LAMP1: variants seen among roughly 807,000 people sequenced by gnomAD.
LAMP1 encodes the protein lysosome-associated membrane glycoprotein 1.
Under a neutral mutation model 37.5 loss-of-function variants are expected in LAMP1, and 7 were observed. That is an observed-to-expected ratio of 0.19 (90% CI 0.11 to 0.35). LAMP1 has a LOEUF of 0.35. Ranked by LOEUF, LAMP1 falls within the 10% of genes least tolerant of loss-of-function variation. The pLI is 1.00. For missense variants in LAMP1, 537 were observed against 552.8 expected, an observed-to-expected ratio of 0.97 and a Z score of 0.29; for synonymous variants, 236 against 229.1, an observed-to-expected ratio of 1.03 and a Z score of -0.27.
chr13:113,321,291 G>GTTT lies in LAMP1; in HGVS notation c.877-112_877-110dup. 1 of 885,228 alleles carries GTTT rather than the reference G, an allele frequency of 1.1e-6. No homozygotes were observed. 54.8% of individuals were successfully genotyped at this position (885,228 alleles called of 1,614,324 possible). On this transcript the variant is annotated intron_variant, in intron 6 of 8. Coordinates refer to ENST00000332556, the MANE Select transcript of LAMP1 (RefSeq NM_005561.4). The surrounding 1 kb of genome is among the most constrained non-coding windows in gnomAD (Gnocchi z 5.6). ...TAATACTAGAAATGTAGGAAGTCAG[G>GTTT]TTTATTACCCAATGACCATTCACGT...
At chr13:113,312,763 G>C (rs374494436) in intron 4 of LAMP1, among the ~76,000 whole-genome samples, 1 of 152,144 alleles carries the variant, frequency 6.6e-6, no homozygotes, top group African/African-American at 2.4e-5. Flanking sequence ...CACATGGGCC[G>C]CGTGTGTCTG....
Position 113,309,847 on chromosome 13 carries a change from A to C in LAMP1, c.388A>C (p.Asn130His). 1 of 1,612,698 alleles carries C rather than the reference A, an allele frequency of 6.2e-7. No homozygotes were observed. The highest frequency in any genetic ancestry group is 8.5e-7 in the Non-Finnish European group (1 of 1,179,794). ...CTTGTCAGACACACACCTTTTCCCC[A>C]ATGCGAGCTCCAAAGGTAAGAACCA... ...YNLSDTHLFPNASSKEIKTVE... is the reference protein window; with the variant it reads ...YNLSDTHLFPHASSKEIKTVE... The change falls in exon 3 of 9, where the codon AAT (asparagine) becomes CAT (histidine). Residue 130 changes from asparagine to histidine, a missense_variant. By Grantham distance (68) the Asn-to-His change is moderately conservative (BLOSUM62 1). Coordinates refer to ENST00000332556, the MANE Select transcript of LAMP1 (RefSeq NM_005561.4).
intron 3 of LAMP1, among the ~76,000 whole-genome samples, chr13:113,310,178 G>A (rs977230291): frequency 9.2e-5 from 14 of 151,984 alleles, no homozygotes; most frequent in Non-Finnish European, 1.8e-4. Flanking sequence ...GCAGTGAGCC[G>A]AGATGGTGCC....
rs780041684 is a variant in LAMP1 at position 113,306,834 on chromosome 13, C to CTTTTTTTTTTTTTT, written c.183+238_183+251dup. Among the ~76,000 whole-genome samples, 125 of 80,156 alleles carry CTTTTTTTTTTTTTT rather than the reference C, an allele frequency of 1.6e-3. 16 individuals carry two copies. Among genetic ancestry groups the CTTTTTTTTTTTTTT allele is most frequent in the Middle Eastern group, 0.019 (1 of 52 alleles). The allele number at this position is 80,156 out of a possible 152,430, so 52.6% of individuals were successfully genotyped here. ...CTCACTGTTCATCATGAACATTTTC[C>CTTTTTTTTTTTTTT]TTTTTTTTTTTTTTTTTTTTTTTGA... On this transcript the variant is annotated intron_variant, in intron 2 of 8. Transcript: ENST00000332556.
intron 4 of LAMP1, among the ~76,000 whole-genome samples, chr13:113,313,444 G>C (rs1000293289): frequency 1.3e-5 from 2 of 152,226 alleles, no homozygotes; most frequent in South Asian, 4.1e-4. Context: ...TGGAGAACAC[G>C]CATGTGATTC....
chr13:113,312,166 C>T (rs1157323043), intron 4 of LAMP1, among the ~76,000 whole-genome samples: 1 of 152,228 alleles, frequency 6.6e-6, no homozygotes, highest in Non-Finnish European at 1.5e-5. Flanking sequence ...GGAGCAGGTA[C>T]TCTTGCAGGT....
chr13:113,321,251 T>C lies in LAMP1; in HGVS notation c.877-153T>C, dbSNP rs2139376889. 14 of 707,256 alleles carry C rather than the reference T, an allele frequency of 2.0e-5. No individual in the cohort carries two copies. In the South Asian group the frequency reaches 2.4e-4, roughly 12 times the overall value. The allele number at this position is 707,256 out of a possible 1,614,324, so 43.8% of individuals were successfully genotyped here. On this transcript the variant is annotated intron_variant, in intron 6 of 8. Transcript: ENST00000332556. The surrounding 1 kb of genome is among the most constrained non-coding windows in gnomAD (Gnocchi z 5.6). ...ACAACGCCTTTTATAGACAAGATCT[T>C]TTGCAGTTTTGTTCTAATACTAGAA...
intron 1 of LAMP1, among the ~76,000 whole-genome samples, chr13:113,302,587 C>CA (rs974663344): frequency 1.3e-5 from 2 of 152,016 alleles, no homozygotes; most frequent in Admixed American, 6.6e-5. Flanking sequence ...TATTTTAATT[C>CA]AAAAAAATTA....
At chr13:113,307,957 CAAAAAAAAAAA>C (rs56212251) in intron 2 of LAMP1, among the ~76,000 whole-genome samples, 39 of 59,922 alleles carry the variant, frequency 6.5e-4, no homozygotes, top group Non-Finnish European at 1.1e-3. Context: ...AGACCATCTC[CAAAAAAAAAAA>C]AAAAAAAAAA....
In LAMP1 at chr13:113,322,532, C is replaced by T. The variant is rs964136038; in HGVS notation, c.*111C>T. The T allele has an allele frequency of 2.0e-5, 20 of 998,716 alleles. No homozygotes were observed. Among genetic ancestry groups the T allele is most frequent in the Non-Finnish European group, 2.5e-5 (17 of 692,984 alleles). The allele number at this position is 998,716 out of a possible 1,614,324, so 61.9% of individuals were successfully genotyped here. A position where few individuals can be genotyped will look rare whatever the true frequency, so the allele number is the denominator to read the frequency against. ...TGGCAAACGTTTCTCAAATCTGCTT[C>T]ATCCAATGTGAAGTTCATCTTGCAG... is the stretch of plus-strand genomic sequence containing the variant. On this transcript the variant is annotated 3_prime_UTR_variant, in exon 9 of 9. Coordinates refer to ENST00000332556, the MANE Select transcript of LAMP1 (RefSeq NM_005561.4).
Position 113,319,630 on chromosome 13 carries a change from C to T in LAMP1, c.724C>T (p.Leu242Phe), listed in dbSNP as rs2042686346. 1 of 1,613,782 alleles carries T rather than the reference C, an allele frequency of 6.2e-7. No homozygotes were observed. The highest frequency in any genetic ancestry group is 8.5e-7 in the Non-Finnish European group (1 of 1,179,916). ...LLASMGLQLN[L>F]TYERKDNTTV... Reference sequence around the variant, plus strand: ...GGCCAGCATGGGGCTGCAGCTGAACCTCACCTATGAGAGGAAGGACAACAC... The same window carrying T: ...GGCCAGCATGGGGCTGCAGCTGAACTTCACCTATGAGAGGAAGGACAACAC... Residue 242 changes from leucine to phenylalanine, a missense_variant, in exon 5 of 9, where the codon CTC becomes TTC. Leu to Phe is a conservative substitution (Grantham distance 22, BLOSUM62 0). Transcript: ENST00000332556.
intron 1 of LAMP1, among the ~76,000 whole-genome samples, chr13:113,301,712 T>C (rs895030778): frequency 6.9e-5 from 10 of 145,966 alleles, no homozygotes; most frequent in South Asian, 2.1e-4. Flanking sequence ...CACACACTTA[T>C]ACCTTGCCTC....
Position 113,319,524 on chromosome 13 carries a change from C to T in LAMP1, c.618C>T (p.Pro206=). The change falls in exon 5 of 9, where the codon CCC becomes CCT. Residue 206 remains proline, a synonymous_variant. Coordinates refer to ENST00000332556, the MANE Select transcript of LAMP1 (RefSeq NM_005561.4). ...CAACCACAGCGCCCCCTGCGCCACC[C>T]AGCCCCTCGCCCTCACCCGTGCCCA... ...PSPTTAPPAP[P]SPSPSPVPKS... The T allele has an allele frequency of 1.2e-6, 2 of 1,614,012 alleles. No homozygotes were observed. Among genetic ancestry groups the T allele is most frequent in the Non-Finnish European group, 1.7e-6 (2 of 1,179,988 alleles).
At chr13:113,310,996 G>A (rs2042628295) in intron 4 of LAMP1, 129 bp downstream of exon 4, 7 of 699,208 alleles carry the variant, frequency 1.0e-5, no homozygotes, top group East Asian at 5.4e-5. Context: ...CACAGCCGGC[G>A]ACGTCTCTGC....
Position 113,321,776 on chromosome 13 carries a change from A to C in LAMP1, c.1114+49A>C. ...TCGCGGGGTGTGGAGGACGTGCTTC[A>C]GACTCCGCCTGTGGACGTTTAGTCG... On this transcript the variant is annotated intron_variant, in intron 8 of 8. Transcript: ENST00000332556. This position sits in a 1 kb window ranked among gnomAD's most constrained non-coding sequence, Gnocchi z 5.6. The C allele has an allele frequency of 6.3e-7, 1 of 1,578,730 alleles. No homozygotes were observed. The highest frequency in any genetic ancestry group is 8.7e-7 in the Non-Finnish European group (1 of 1,154,886).
intron 4 of LAMP1, among the ~76,000 whole-genome samples, chr13:113,317,697 T>C (rs934903718): frequency 5.0e-5 from 6 of 120,340 alleles, no homozygotes; most frequent in African/African-American, 2.3e-4. Flanking sequence ...GTGAAGCTGC[T>C]TTTTTTTTTT....
In LAMP1 at chr13:113,322,367, CATCGCCT is replaced by C; in HGVS notation, c.1202_1208del (p.Ile401ThrfsTer69). On this transcript the variant is annotated frameshift_variant, in exon 9 of 9. Coordinates refer to ENST00000332556, the MANE Select transcript of LAMP1 (RefSeq NM_005561.4). LOFTEE classifies it high-confidence loss of function. ...TGGCGGGGCTGGTCCTCATCGTCCT[CATCGCCT>C]ACCTCGTCGGCAGGAAGAGGAGTCA... 2 of 1,613,810 alleles carry C rather than the reference CATCGCCT, an allele frequency of 1.2e-6. No homozygotes were observed. Among genetic ancestry groups the C allele is most frequent in the Admixed American group, 1.7e-5 (1 of 59,970 alleles).
At chr13:113,300,502 AAAAG>A (rs1261975863) in intron 1 of LAMP1, among the ~76,000 whole-genome samples, 2 of 149,798 alleles carry the variant, frequency 1.3e-5, no homozygotes, top group Non-Finnish European at 3.0e-5. Flanking sequence ...AAAAAAAAAA[AAAAG>A]AAAAAGAAAA....
At chr13:113,317,181 G>C (rs2139372929) in intron 4 of LAMP1, among the ~76,000 whole-genome samples, 1 of 152,300 alleles carries the variant, frequency 6.6e-6, no homozygotes, top group East Asian at 1.9e-4. Context: ...GCTCTCCGGA[G>C]GGTGCTGGAG....
Sources: gnomAD v4.1 joint callset for allele counts (sites outside exome capture counted in the v4.1 genomes callset) on GRCh38, gnomAD v4.1.1 for gene constraint, Gnocchi (gnomAD v3.1) non-coding constraint, MANE v1.5 for transcripts, NCBI Gene and HGNC (gene_info 2026-07-23, HGNC 2026-07-21) for gene names.